The following SUSD4 variants were observed in gnomAD, a reference collection of about 807,000 sequenced individuals.
SUSD4 encodes the protein sushi domain-containing protein 4.
In SUSD4, 41 loss-of-function variants were observed where a neutral mutation model predicts 50.5. The ratio of observed to expected loss-of-function variants is 0.81; its 90% confidence interval spans 0.63 to 1.05. The LOEUF (loss-of-function observed/expected upper bound fraction) is 1.05, where lower values mean the gene tolerates loss of function less well. Among genes scored for constraint, SUSD4 ranks in the 50% least tolerant of loss-of-function variants. The pLI is 0.00. For missense variants in SUSD4, 580 were observed against 634.7 expected (o/e 0.91, Z 0.93); for synonymous variants, 257 against 257.3 (o/e 1.00, Z 0.01).
In SUSD4 at chr1:223,231,519, C is replaced by T. The variant is rs943819075; in HGVS notation, c.725-2131G>A. On this transcript the variant is annotated intron_variant, in intron 5 of 8. Coordinates refer to ENST00000366878, the MANE Select transcript of SUSD4 (RefSeq NM_017982.4). The surrounding 1 kb of genome is among the most constrained non-coding windows in gnomAD (Gnocchi z 4.2). ...TGGGCTGGCAAATGCAGTCACACAA[C>T]CCCTTGCATTTCCACAAACAGGGGC... is the stretch of plus-strand genomic sequence containing the variant. 2.6e-5 allele frequency among the ~76,000 whole-genome samples: 4 copies of T among 152,214 alleles called. No homozygotes were observed. The highest frequency in any genetic ancestry group is 5.9e-5 in the Non-Finnish European group (4 of 68,048).
chr1:223,239,736 T>TGTAA (rs1553281967), intron 5 of SUSD4, among the ~76,000 whole-genome samples: 2 of 152,028 alleles, frequency 1.3e-5, no homozygotes, highest in Admixed American at 6.5e-5. Context: ...TGTGTGTGTG[T>TGTAA]AATATACCTA....
chr1:223,267,090 A>T (rs576541607), intron 4 of SUSD4, among the ~76,000 whole-genome samples: 1 of 152,356 alleles, frequency 6.6e-6, no homozygotes, highest in South Asian at 2.1e-4. Flanking sequence ...TTGCAGACCT[A>T]GAAAAACTAT....
At chr1:223,354,980 C>T (rs771887518) in intron 2 of SUSD4, among the ~76,000 whole-genome samples, 1 of 151,782 alleles carries the variant, frequency 6.6e-6, no homozygotes, top group Non-Finnish European at 1.5e-5. Context: ...TTTTTTGAGA[C>T]AAGCTCTTAC....
chr1:223,263,485 T>A, intron 5 of SUSD4: 1 of 932,546 alleles, frequency 1.1e-6, no homozygotes, highest in Non-Finnish European at 1.3e-6. Flanking sequence ...ATCTGGCATC[T>A]CTAGGCTAGG....
At chr1:223,300,429 T>C (rs978556560) in intron 2 of SUSD4, among the ~76,000 whole-genome samples, 5 of 152,186 alleles carry the variant, frequency 3.3e-5, no homozygotes, top group African/African-American at 1.2e-4. Context: ...TGGTTACTTT[T>C]GAGCCTGCTG....
chr1:223,289,783 C>T (rs1451963417), intron 3 of SUSD4, among the ~76,000 whole-genome samples: 1 of 152,214 alleles, frequency 6.6e-6, no homozygotes, highest in East Asian at 1.9e-4. Context: ...GTTCCTTCAA[C>T]TCCAAACCTG....
At chr1:223,223,678 G>A (rs1659295586) in intron 7 of SUSD4, 47 bp from the exon 8 acceptor site, 8 of 1,540,302 alleles carry the variant, frequency 5.2e-6, no homozygotes, top group Non-Finnish European at 7.0e-6. Context: ...ATGCCACTCT[G>A]GGGATGAGGC....
At chr1:223,344,563 G>A (rs1667929405) in intron 2 of SUSD4, among the ~76,000 whole-genome samples, 2 of 152,192 alleles carry the variant, frequency 1.3e-5, no homozygotes, top group South Asian at 2.1e-4. Context: ...CCCGAGAAAA[G>A]CTTAGCCTTG....
chr1:223,263,582 G>A, intron 5 of SUSD4: 1 of 985,278 alleles, frequency 1.0e-6, no homozygotes, highest in Non-Finnish European at 1.2e-6. Context: ...CAAAACCAAT[G>A]GGAAGGGCTG....
intron 3 of SUSD4, among the ~76,000 whole-genome samples, chr1:223,289,654 C>G (rs1205984555): frequency 6.6e-6 from 1 of 152,212 alleles, no homozygotes; most frequent in East Asian, 1.9e-4. Context: ...TGCAACAGGT[C>G]TTTCCCTAAA....
At chr1:223,270,857 A>T (rs529533115) in intron 3 of SUSD4, among the ~76,000 whole-genome samples, 2 of 152,202 alleles carry the variant, frequency 1.3e-5, no homozygotes, top group African/African-American at 4.8e-5. Flanking sequence ...CACCACGCCC[A>T]GCCTGAAAAG....
rs1659605765 is a variant in SUSD4, at chr1:223,227,639, A to T, written c.1016T>A (p.Leu339Gln). Residue 339 changes from leucine (L) to glutamine (Q), a missense_variant, in exon 7 of 9, where the codon CTG (leucine) becomes CAG (glutamine). Physicochemically the swap from Leu to Gln is moderately radical, Grantham distance 113. Transcript: ENST00000366878. This position sits in a 1 kb window ranked among gnomAD's most constrained non-coding sequence, Gnocchi z 4.5. ...SVLLVLLLVI[L>Q]ARMFQTKFKA... is the part of the protein sequence containing the mutation. ...GAACTTGGTCTGGAACATCCTGGCCAGGATGACGAGCAGCAGCACCAGCAG... is the reference window on the plus strand; with the variant it reads ...GAACTTGGTCTGGAACATCCTGGCCTGGATGACGAGCAGCAGCACCAGCAG... 1 of 1,613,868 alleles carries T rather than the reference A, an allele frequency of 6.2e-7. No individual in the cohort carries two copies. Among genetic ancestry groups the T allele is most frequent in the Admixed American group, 1.7e-5 (1 of 59,984 alleles).
At chr1:223,238,362 CTTAT>C (rs1163586841) in intron 5 of SUSD4, among the ~76,000 whole-genome samples, 1 of 151,970 alleles carries the variant, frequency 6.6e-6, no homozygotes, top group East Asian at 1.9e-4. Flanking sequence ...TGCTCTAATT[CTTAT>C]TTCTTTTCTT....
Position 223,355,186 on chromosome 1 carries a change from T to C in SUSD4, c.148+8092A>G, listed in dbSNP as rs566532068. ...ACCTCCTGGGTTCAAGCGATTCTCC[T>C]GTTTCAGCCTGCTGGGTAGCTGGAT... is the stretch of plus-strand genomic sequence containing the variant. On this transcript the variant is annotated intron_variant, in intron 2 of 8. Transcript: ENST00000366878. Among the ~76,000 whole-genome samples, 7 of 152,100 alleles carry C rather than the reference T, an allele frequency of 4.6e-5. No individual in the cohort carries two copies. In the South Asian group the frequency reaches 1.0e-3, roughly 23 times the overall value.
At chr1:223,285,502 C>T (rs1298360324) in intron 3 of SUSD4, among the ~76,000 whole-genome samples, 5 of 151,988 alleles carry the variant, frequency 3.3e-5, no homozygotes, top group South Asian at 2.1e-4. Context: ...GCCAAAGCAA[C>T]GATAAGGTAT....
intron 2 of SUSD4, among the ~76,000 whole-genome samples, chr1:223,352,927 G>A (rs999650134): frequency 2.0e-5 from 3 of 151,936 alleles, no homozygotes; most frequent in African/African-American, 4.8e-5. Flanking sequence ...GGGATGCATG[G>A]AGCACCTCCC....
chr1:223,360,504 C>G (rs1438507872), intron 2 of SUSD4, among the ~76,000 whole-genome samples: 2 of 152,174 alleles, frequency 1.3e-5, no homozygotes, highest in Non-Finnish European at 2.9e-5. Context: ...CATCTCAGGA[C>G]AAGTCAGGCT....
intron 2 of SUSD4, among the ~76,000 whole-genome samples, chr1:223,319,638 C>T (rs1666451955): frequency 6.6e-6 from 1 of 152,190 alleles, no homozygotes. Flanking sequence ...ACAGGAAACA[C>T]AAGACAGACT....
intron 2 of SUSD4, among the ~76,000 whole-genome samples, chr1:223,336,027 C>T (rs888251148): frequency 1.4e-4 from 22 of 151,920 alleles, no homozygotes; most frequent in Admixed American, 1.4e-3. Flanking sequence ...AAAAAGAAAA[C>T]GTCATTATAG....
Sources: gnomAD v4.1 joint callset for allele counts (sites outside exome capture counted in the v4.1 genomes callset) on GRCh38, gnomAD v4.1.1 for gene constraint, Gnocchi (gnomAD v3.1) non-coding constraint, MANE v1.5 for transcripts, NCBI Gene and HGNC (gene_info 2026-07-23, HGNC 2026-07-21) for gene names.